Variants in FARP1 observed in about 807,000 individuals in gnomAD.
FARP1 encodes FERM, ARH/RhoGEF and pleckstrin domain protein 1.
Under a neutral mutation model 128.8 loss-of-function variants are expected in FARP1, and 52 were observed. The ratio of observed to expected loss-of-function variants is 0.40; its 90% CI spans 0.32 to 0.51. The LOEUF is 0.51. Ranked by LOEUF, FARP1 falls within the 20% of genes least tolerant of loss-of-function variation. The pLI, the probability that FARP1 is intolerant of heterozygous loss-of-function variation, is 0.45. For missense variants in FARP1, 1,333 were observed against 1,367.9 expected, an observed-to-expected ratio of 0.97 and a Z score of 0.40; for synonymous variants, 580 against 551.8, an observed-to-expected ratio of 1.05 and a Z score of -0.72.
At chr13:98,178,139 G>C (rs1371129457) in intron 1 of FARP1, among the ~76,000 whole-genome samples, 5 of 150,804 alleles carry the variant, frequency 3.3e-5, no homozygotes, top group Non-Finnish European at 5.9e-5. Flanking sequence ...GCTGTCCCCT[G>C]CCTGGCCCCT....
At position 98,365,894 on chromosome 13, in the gene FARP1, G is replaced by GGTGTGTGTGTGTGTGT. The variant is rs55871546; in HGVS notation, c.319+466_319+481dup. ...AAAGTGTGAGTGTGTGTGTGTATGT[G>GGTGTGTGTGTGTGTGT]GTGTGTGTGTGTGTGTGTGTGTGTT... On this transcript the variant is annotated intron_variant, in intron 4 of 26. Transcript: ENST00000319562. Among the ~76,000 whole-genome samples the GGTGTGTGTGTGTGTGT allele has an allele frequency of 5.0e-4, 74 of 148,376 alleles. 2 individuals carry two copies. The East Asian group carries it at 5.3e-3, about 11-fold the overall frequency.
intron 21 of FARP1, 109 bp from the exon 22 acceptor site, chr13:98,439,851 AG>A: frequency 1.3e-6 from 1 of 769,560 alleles, no homozygotes; most frequent in South Asian, 1.8e-5. Flanking sequence ...GGGTCTCCTG[AG>A]CCCTGCTCAG....
chr13:98,156,571 C>G (rs1786557923), intron 1 of FARP1, among the ~76,000 whole-genome samples: 2 of 152,074 alleles, frequency 1.3e-5, no homozygotes, highest in Non-Finnish European at 2.9e-5. Context: ...GTGTGCTTGG[C>G]TGATTTTTAA....
At position 98,168,230 on chromosome 13, in the gene FARP1, ACT is replaced by A. The variant is rs200752767; in HGVS notation, c.-24+24741_-24+24742del. ...TTTTGGTGCCATGCTGTTGTAATAG[ACT>A]CTACTATCACTATTGACAGCTAAAC... On this transcript the variant is annotated intron_variant, in intron 1 of 26. Transcript: ENST00000319562. Among the ~76,000 whole-genome samples, 128 of 152,150 alleles carry A rather than the reference ACT, an allele frequency of 8.4e-4. 1 individual carries two copies. In the East Asian group the frequency reaches 0.02, roughly 24 times the overall value.
chr13:98,271,501 G>A (rs1482976735), intron 2 of FARP1, among the ~76,000 whole-genome samples: 5 of 152,058 alleles, frequency 3.3e-5, no homozygotes, highest in African/African-American at 9.7e-5. Flanking sequence ...CCATCAACCC[G>A]TCATCTAGGT....
chr13:98,184,317 C>T (rs1253434952), intron 1 of FARP1, among the ~76,000 whole-genome samples: 4 of 152,034 alleles, frequency 2.6e-5, no homozygotes, highest in African/African-American at 4.8e-5. Context: ...GGGGTTTCAC[C>T]GTGTTGGCCA....
Position 98,176,554 on chromosome 13 carries a change from C to A in FARP1, c.-24+33062C>A. ...ACAGTAGCGACCCTCTTCAAGCTCC[C>A]GTTCAATCTCCCACCCGAGCTTGTA... On this transcript the variant is annotated intron_variant, in intron 1 of 26. Transcript: ENST00000319562. The surrounding 1 kb of genome is among the most constrained non-coding windows in gnomAD (Gnocchi z 6.2). 1 of 1,614,212 alleles carries A rather than the reference C, an allele frequency of 6.2e-7. No homozygotes were observed. Among genetic ancestry groups the A allele is most frequent in the African/African-American group, 1.3e-5 (1 of 75,050 alleles).
intron 5 of FARP1, among the ~76,000 whole-genome samples, chr13:98,371,076 A>G (rs1187350539): frequency 6.6e-6 from 1 of 152,102 alleles, no homozygotes. Context: ...ATCTAAGGGC[A>G]AGTCCAGCTG....
At chr13:98,427,390 G>A (rs1051647489) in intron 17 of FARP1, among the ~76,000 whole-genome samples, 13 of 152,118 alleles carry the variant, frequency 8.5e-5, no homozygotes, top group African/African-American at 2.7e-4. Context: ...CACATGCTCT[G>A]TACTTTTTCC....
At chr13:98,229,818 C>G (rs1728279120) in intron 2 of FARP1, among the ~76,000 whole-genome samples, 2 of 152,082 alleles carry the variant, frequency 1.3e-5, no homozygotes, top group Non-Finnish European at 2.9e-5. Context: ...GTCAGCAACC[C>G]TGGTGGAAAG....
At chr13:98,363,084 T>C (rs796986438) in intron 3 of FARP1, among the ~76,000 whole-genome samples, 6 of 152,318 alleles carry the variant, frequency 3.9e-5, no homozygotes, top group African/African-American at 1.4e-4. Context: ...GACTCATCTT[T>C]TAAAAATACA....
intron 2 of FARP1, among the ~76,000 whole-genome samples, chr13:98,337,082 T>C (rs1233849839): frequency 6.6e-6 from 1 of 152,072 alleles, no homozygotes; most frequent in Non-Finnish European, 1.5e-5. Context: ...AAACATTCAT[T>C]TGGGCCAGGT....
In FARP1 at chr13:98,409,452, C is replaced by T. The variant is rs370495150; in HGVS notation, c.1529C>T (p.Ser510Phe). 5.6e-6 allele frequency: 9 copies of T among 1,613,978 alleles called. No individual in the cohort carries two copies. The highest frequency in any genetic ancestry group is 4.0e-5 in the African/African-American group (3 of 74,908). The part of the protein sequence containing the change: ...PNLSPDTKQA[S>F]PLISPLLNDQ... ...CTGAGCCCCGACACCAAGCAGGCCT[C>T]TCCCTTGATCAGCCCGCTGCTGAAT... Residue 510 changes from serine (S) to phenylalanine (F), a missense_variant, in exon 14 of 27, where the codon TCT becomes TTT. By Grantham distance (155) the Ser-to-Phe change is radical. Coordinates refer to ENST00000319562, the MANE Select transcript of FARP1 (RefSeq NM_005766.4).
At chr13:98,222,700 C>G (rs555138410) in intron 2 of FARP1, among the ~76,000 whole-genome samples, 1 of 151,820 alleles carries the variant, frequency 6.6e-6, no homozygotes, top group African/African-American at 2.4e-5. Context: ...CCGCTCACTG[C>G]AACCTCCGCC....
At chr13:98,248,889 C>T (rs1488866972) in intron 2 of FARP1, among the ~76,000 whole-genome samples, 2 of 151,942 alleles carry the variant, frequency 1.3e-5, no homozygotes, top group African/African-American at 2.4e-5. Flanking sequence ...GGTTCCTGAG[C>T]GCAAGAAGGC....
chr13:98,233,286 C>A (rs9805603), intron 2 of FARP1, among the ~76,000 whole-genome samples: 1,956 of 152,316 alleles, frequency 0.013, 35 homozygotes, highest in African/African-American at 0.045. Context: ...CACCCTGTTA[C>A]TGATGAATGC....
chr13:98,245,203 C>T (rs973374694), intron 2 of FARP1: 2 of 985,286 alleles, frequency 2.0e-6, no homozygotes, highest in Admixed American at 6.1e-5. Context: ...TTACTGTGTT[C>T]TGAGAAATCT....
At chr13:98,316,446 C>G (rs1886723389) in intron 2 of FARP1, among the ~76,000 whole-genome samples, 1 of 152,166 alleles carries the variant, frequency 6.6e-6, no homozygotes, top group African/African-American at 2.4e-5. Context: ...GAACTTGTTC[C>G]AGGTCACACA....
intron 2 of FARP1, among the ~76,000 whole-genome samples, chr13:98,255,305 C>G (rs1431496146): frequency 6.6e-6 from 1 of 152,116 alleles, no homozygotes; most frequent in East Asian, 1.9e-4. Context: ...CGAGACCATC[C>G]TGGCTAACAT....
Sources: allele counts gnomAD v4.1 joint callset (sites outside exome capture counted in the v4.1 genomes callset), GRCh38; gene constraint gnomAD v4.1.1; non-coding constraint Gnocchi (gnomAD v3.1); transcripts MANE v1.5; gene names NCBI Gene and HGNC (gene_info 2026-07-23, HGNC 2026-07-21).